SHISA6: variants seen among roughly 807,000 people sequenced by gnomAD.
The protein encoded by SHISA6 is protein shisa-6.
A neutral mutation model predicts 47.9 loss-of-function variants in SHISA6; 22 were observed. The observed-to-expected ratio is 0.46, with a 90% CI of 0.33 to 0.66. The LOEUF is 0.66. Among genes scored for constraint, SHISA6 ranks in the 30% least tolerant of loss-of-function variants. The pLI is 0.02. For synonymous variants in SHISA6, 388 were observed against 337.8 expected, an observed-to-expected ratio of 1.15 and a Z score of -1.63; for missense variants, 680 against 764.6, an observed-to-expected ratio of 0.89 and a Z score of 1.30.
intron 3 of SHISA6, among the ~76,000 whole-genome samples, chr17:11,543,397 G>T (rs1370353271): frequency 6.6e-6 from 1 of 152,112 alleles, no homozygotes; most frequent in African/African-American, 2.4e-5. Context: ...AGACACATAT[G>T]CAATCCCTAG....
intron 3 of SHISA6, among the ~76,000 whole-genome samples, chr17:11,508,703 T>C (rs1278934890): frequency 7.2e-6 from 1 of 138,524 alleles, no homozygotes; most frequent in East Asian, 2.4e-4. Flanking sequence ...CTTCCTTGGC[T>C]ATACAATTTT....
At chr17:11,318,137 G>GA (rs11380485) in intron 2 of SHISA6, among the ~76,000 whole-genome samples, 151,418 of 152,196 alleles carry the variant, frequency 0.99, 75,327 homozygotes, top group Middle Eastern at 1. Flanking sequence ...ATTATCACAG[G>GA]AAAAAATGGA....
chr17:11,307,640 G>T (rs1294139770), intron 2 of SHISA6, among the ~76,000 whole-genome samples: 1 of 152,176 alleles, frequency 6.6e-6, no homozygotes, highest in Non-Finnish European at 1.5e-5. Flanking sequence ...TCCTACCATG[G>T]AAGACGGGGA....
At chr17:11,353,392 G>A (rs1911962075) in intron 2 of SHISA6, among the ~76,000 whole-genome samples, 1 of 151,544 alleles carries the variant, frequency 6.6e-6, no homozygotes, top group Admixed American at 6.6e-5. Context: ...AGGAGGCAGA[G>A]GTTGCAGTGA....
At chr17:11,528,838 T>C (rs1006630987) in intron 3 of SHISA6, among the ~76,000 whole-genome samples, 4 of 152,202 alleles carry the variant, frequency 2.6e-5, no homozygotes, top group African/African-American at 9.7e-5. Flanking sequence ...AACTGCTGCT[T>C]ATTTTGAGAT....
intron 3 of SHISA6, among the ~76,000 whole-genome samples, chr17:11,381,181 G>T (rs1197696973): frequency 6.6e-6 from 1 of 152,096 alleles, no homozygotes; most frequent in Non-Finnish European, 1.5e-5. Flanking sequence ...TGTTAGGGAG[G>T]TTTCTCCACT....
chr17:11,525,876 G>A (rs957851570), intron 3 of SHISA6, among the ~76,000 whole-genome samples: 4 of 152,078 alleles, frequency 2.6e-5, no homozygotes, highest in East Asian at 1.9e-4. Flanking sequence ...GGGCATGGTG[G>A]TGCACACCTG....
At chr17:11,485,867 C>A (rs2142334139) in intron 3 of SHISA6, among the ~76,000 whole-genome samples, 2 of 152,134 alleles carry the variant, frequency 1.3e-5, no homozygotes, top group South Asian at 4.2e-4. Context: ...TCCCTCCCAC[C>A]CCACCTTCCA....
At chr17:11,314,675 A>G (rs965324735) in intron 2 of SHISA6, among the ~76,000 whole-genome samples, 6 of 151,900 alleles carry the variant, frequency 3.9e-5, no homozygotes, top group Admixed American at 2.0e-4. Flanking sequence ...AGCTAGGATT[A>G]CAGCTGACCA....
At chr17:11,524,956 G>C (rs1470221682) in intron 3 of SHISA6, among the ~76,000 whole-genome samples, 1 of 151,876 alleles carries the variant, frequency 6.6e-6, no homozygotes, top group African/African-American at 2.4e-5. Flanking sequence ...GAAACCCTGA[G>C]ATGACGGGGG....
intron 2 of SHISA6, among the ~76,000 whole-genome samples, chr17:11,344,920 C>T (rs1911649208): frequency 6.6e-6 from 1 of 152,124 alleles, no homozygotes; most frequent in Admixed American, 6.5e-5. Context: ...TAACCAGCCT[C>T]TCCTTATTCC....
At chr17:11,370,482 A>G (rs766271844) in intron 2 of SHISA6, among the ~76,000 whole-genome samples, 1 of 152,178 alleles carries the variant, frequency 6.6e-6, no homozygotes, top group Non-Finnish European at 1.5e-5. Flanking sequence ...ACAAAATCCA[A>G]ACCAACAAAA....
intron 3 of SHISA6, among the ~76,000 whole-genome samples, chr17:11,514,382 G>C (rs1311712526): frequency 6.6e-6 from 1 of 152,212 alleles, no homozygotes; most frequent in African/African-American, 2.4e-5. Flanking sequence ...TGGTGCCCGA[G>C]ATAGCATGTT....
At chr17:11,352,384 A>G (rs1474805876) in intron 2 of SHISA6, among the ~76,000 whole-genome samples, 2 of 152,190 alleles carry the variant, frequency 1.3e-5, no homozygotes, top group African/African-American at 4.8e-5. Flanking sequence ...ACCAAAGAAA[A>G]ATTGTTGCGT....
At chr17:11,368,618 T>C (rs1912529855) in intron 2 of SHISA6, among the ~76,000 whole-genome samples, 1 of 152,156 alleles carries the variant, frequency 6.6e-6, no homozygotes, top group South Asian at 2.1e-4. Flanking sequence ...GTGCTTTATA[T>C]GAATTGTTGG....
Position 11,241,271 on chromosome 17 carries a change from C to A in SHISA6, c.-152C>A. 3.2e-6 allele frequency: 1 copy of A among 313,432 alleles called. No individual in the cohort carries two copies. Among genetic ancestry groups the A allele is most frequent in the South Asian group, 1.1e-4 (1 of 8,754 alleles). 19.4% of individuals were successfully genotyped at this position (313,432 alleles called of 1,614,324 possible). A position where few individuals can be genotyped will look rare whatever the true frequency, so the allele number is the denominator to read the frequency against. On this transcript the variant is annotated 5_prime_UTR_variant, in exon 1 of 6. It adds an upstream start codon to the 5' untranslated region. Transcript: ENST00000441885. This position sits in a 1 kb window ranked among gnomAD's most constrained non-coding sequence, Gnocchi z 5.5. ...TGCGCACCGCGCGCCGCCGCCGCCACTGCCGCCCGCGCCTCGATGGCGCCA... is the reference window on the plus strand; with the variant it reads ...TGCGCACCGCGCGCCGCCGCCGCCAATGCCGCCCGCGCCTCGATGGCGCCA...
At chr17:11,340,968 G>T (rs1193978063) in intron 2 of SHISA6, among the ~76,000 whole-genome samples, 2 of 152,228 alleles carry the variant, frequency 1.3e-5, no homozygotes, top group Non-Finnish European at 2.9e-5. Context: ...TTAGCTGCAG[G>T]TCTGGAGGTG....
chr17:11,295,090 C>T (rs781102072), intron 2 of SHISA6, among the ~76,000 whole-genome samples: 3 of 152,262 alleles, frequency 2.0e-5, no homozygotes, highest in South Asian at 2.1e-4. Flanking sequence ...ATTCACGTCC[C>T]GGGTGGGTGG....
intron 3 of SHISA6, among the ~76,000 whole-genome samples, chr17:11,525,652 C>CAAAAAAAAAAAAAA (rs371530736): frequency 9.6e-6 from 1 of 104,282 alleles, no homozygotes; most frequent in African/African-American, 3.8e-5. Flanking sequence ...AAAAAAAAAA[C>CAAAAAAAAAAAAAA]AAAAAAAAAA....
Sources: allele counts gnomAD v4.1 joint callset (sites outside exome capture counted in the v4.1 genomes callset), GRCh38; gene constraint gnomAD v4.1.1; non-coding constraint Gnocchi (gnomAD v3.1); transcripts MANE v1.5; gene names NCBI Gene and HGNC (gene_info 2026-07-23, HGNC 2026-07-21).